Variants in ST8SIA1 observed in about 807,000 individuals in gnomAD.
ST8SIA1 encodes the protein ST8 alpha-N-acetyl-neuraminide alpha-2,8-sialyltransferase 1.
ST8SIA1 carries 16 observed loss-of-function variants against 35.9 expected under a neutral mutation model. The observed-to-expected ratio is 0.45, with a 90% CI of 0.30 to 0.68. ST8SIA1 has a LOEUF of 0.68. Among genes scored for constraint, ST8SIA1 ranks in the 30% least tolerant of loss-of-function variants. The pLI, the probability that ST8SIA1 is intolerant of heterozygous loss-of-function variation, is 0.09. For missense variants in ST8SIA1, 383 were observed against 453.6 expected, an observed-to-expected ratio of 0.84 and a Z score of 1.41; for synonymous variants, 170 against 169.6, an observed-to-expected ratio of 1.00 and a Z score of -0.02.
At chr12:22,326,213 T>A (rs377592637) in intron 1 of ST8SIA1, 4 of 261,284 alleles carry the variant, frequency 1.5e-5, no homozygotes, top group East Asian at 1.8e-4. Flanking sequence ...TGCCAGCACC[T>A]AACTGGTACA....
chr12:22,253,323 G>C (rs958243874), intron 3 of ST8SIA1, among the ~76,000 whole-genome samples: 1 of 152,110 alleles, frequency 6.6e-6, no homozygotes, highest in African/African-American at 2.4e-5. Flanking sequence ...AGGACTCCCT[G>C]CTCTTCTCAC....
At chr12:22,215,662 C>A in intron 4 of ST8SIA1, among the ~76,000 whole-genome samples, 1 of 152,212 alleles carries the variant, frequency 6.6e-6, no homozygotes, top group East Asian at 1.9e-4. Flanking sequence ...CAACCACATT[C>A]CTTGCATGAA....
chr12:22,269,788 C>T (rs970049641), intron 2 of ST8SIA1, among the ~76,000 whole-genome samples: 1 of 152,168 alleles, frequency 6.6e-6, no homozygotes, highest in Admixed American at 6.5e-5. Context: ...AGACAGAACC[C>T]TCTTTTAACA....
chr12:22,208,884 A>G (rs1327293489), intron 4 of ST8SIA1, among the ~76,000 whole-genome samples: 3 of 152,180 alleles, frequency 2.0e-5, no homozygotes, highest in Non-Finnish European at 4.4e-5. Context: ...ATAAAAATCT[A>G]CTATTCCATA....
At chr12:22,317,255 G>A (rs1239060410) in intron 1 of ST8SIA1, among the ~76,000 whole-genome samples, 2 of 152,282 alleles carry the variant, frequency 1.3e-5, no homozygotes, top group Admixed American at 1.3e-4. Context: ...GTGGGAAAGA[G>A]GATATTGTTA....
At position 22,195,367 on chromosome 12, in the gene ST8SIA1, C is replaced by G. The variant is rs1269985928; in HGVS notation, c.*6185G>C. 1 of 152,108 alleles carries G rather than the reference C, an allele frequency of 6.6e-6. No individual in the cohort carries two copies. Among genetic ancestry groups the G allele is most frequent in the Non-Finnish European group, 1.5e-5 (1 of 68,038 alleles). 9.4% of individuals were successfully genotyped at this position (152,108 alleles called of 1,614,324 possible). On this transcript the variant is annotated 3_prime_UTR_variant, in exon 5 of 5. Transcript: ENST00000396037. ...ACAGGTACCACTCTGTTCTCTCCGTCAGCATCTCATGATCTGTCTGTCACA... is the reference window on the plus strand; with the variant it reads ...ACAGGTACCACTCTGTTCTCTCCGTGAGCATCTCATGATCTGTCTGTCACA...
intron 4 of ST8SIA1, among the ~76,000 whole-genome samples, chr12:22,210,782 G>T (rs1438653790): frequency 2.6e-5 from 4 of 152,118 alleles, no homozygotes. Flanking sequence ...CATATTTTAG[G>T]TTCAGCCTAA....
intron 4 of ST8SIA1, among the ~76,000 whole-genome samples, chr12:22,204,821 G>C (rs1409901353): frequency 1.3e-5 from 2 of 151,998 alleles, no homozygotes; most frequent in East Asian, 3.9e-4. Flanking sequence ...TAATTGTTAT[G>C]GTATACTGAA....
intron 1 of ST8SIA1, among the ~76,000 whole-genome samples, chr12:22,332,650 G>A (rs1866782708): frequency 6.6e-6 from 1 of 152,162 alleles, no homozygotes. Flanking sequence ...TTCTAAAAAG[G>A]GAGAAGGAAA....
chr12:22,315,342 G>A (rs1446644698), intron 1 of ST8SIA1, among the ~76,000 whole-genome samples: 2 of 152,156 alleles, frequency 1.3e-5, no homozygotes, highest in Non-Finnish European at 2.9e-5. Flanking sequence ...CACTGACAGA[G>A]GACTTGGTTT....
At chr12:22,303,215 C>A (rs907038270) in intron 1 of ST8SIA1, among the ~76,000 whole-genome samples, 1 of 152,150 alleles carries the variant, frequency 6.6e-6, no homozygotes, top group South Asian at 2.1e-4. Flanking sequence ...CTTTAAGGCT[C>A]AGGCCATTAG....
At chr12:22,300,953 A>T (rs1450003745) in intron 1 of ST8SIA1, among the ~76,000 whole-genome samples, 1 of 152,102 alleles carries the variant, frequency 6.6e-6, no homozygotes, top group African/African-American at 2.4e-5. Flanking sequence ...TTTGGGTTGT[A>T]TTTGTATAAA....
intron 2 of ST8SIA1, among the ~76,000 whole-genome samples, chr12:22,266,884 T>C (rs929670281): frequency 7.0e-5 from 10 of 143,408 alleles, no homozygotes; most frequent in Non-Finnish European, 1.4e-4. Context: ...CACACACATA[T>C]ACACAAAAGA....
At chr12:22,270,656 G>A (rs1865902029) in intron 2 of ST8SIA1, among the ~76,000 whole-genome samples, 1 of 152,148 alleles carries the variant, frequency 6.6e-6, no homozygotes, top group South Asian at 2.1e-4. Context: ...ACTCAGAAAG[G>A]TAAAGGGGTG....
At chr12:22,251,745 C>A (rs1255681502) in intron 3 of ST8SIA1, among the ~76,000 whole-genome samples, 1 of 152,200 alleles carries the variant, frequency 6.6e-6, no homozygotes, top group Non-Finnish European at 1.5e-5. Flanking sequence ...AGTGTCTTAG[C>A]AACTGTGCTC....
At chr12:22,250,359 G>A (rs1047672543) in intron 3 of ST8SIA1, among the ~76,000 whole-genome samples, 1 of 152,162 alleles carries the variant, frequency 6.6e-6, no homozygotes, top group Non-Finnish European at 1.5e-5. Context: ...CAACCTTGAT[G>A]TGTACACTTA....
At chr12:22,297,327 C>T (rs1866258569) in intron 1 of ST8SIA1, among the ~76,000 whole-genome samples, 1 of 150,752 alleles carries the variant, frequency 6.6e-6, no homozygotes. Context: ...ACCCTGGAGT[C>T]AGCTCCATGG....
chr12:22,222,369 T>C (rs1865309452), intron 4 of ST8SIA1, among the ~76,000 whole-genome samples: 1 of 152,224 alleles, frequency 6.6e-6, no homozygotes, highest in South Asian at 2.1e-4. Context: ...AGTAACTTTT[T>C]GCTCTACTCG....
chr12:22,252,655 T>G (rs1420987343), intron 3 of ST8SIA1, among the ~76,000 whole-genome samples: 1 of 152,238 alleles, frequency 6.6e-6, no homozygotes. Flanking sequence ...TGCCAGGCAC[T>G]CTAATCAGAA....
Sources: gnomAD v4.1 joint callset for allele counts (sites outside exome capture counted in the v4.1 genomes callset) on GRCh38, gnomAD v4.1.1 for gene constraint, MANE v1.5 for transcripts, NCBI Gene and HGNC (gene_info 2026-07-23, HGNC 2026-07-21) for gene names.